The following TNS1 variants were observed in gnomAD, a reference collection of about 807,000 sequenced individuals.
TNS1 encodes the protein tensin 1, also known as tensin-1.
In TNS1, 62 loss-of-function variants were observed where a neutral mutation model predicts 168.6. That is an observed-to-expected ratio of 0.37 (90% confidence interval 0.30 to 0.45). The LOEUF (loss-of-function observed/expected upper bound fraction) is 0.45. TNS1 is among the 20% of genes least tolerant of loss of function. The probability of loss-of-function intolerance (pLI) is 1.00; values close to 1 mark genes in which losing one functional copy is unlikely to be tolerated. For missense variants in TNS1, 2,240 were observed against 2,339.4 expected (o/e 0.96, Z 0.88); for synonymous variants, 934 against 933.2 (o/e 1.00, Z -0.02).
intron 3 of TNS1, among the ~76,000 whole-genome samples, chr2:217,975,946 G>A (rs528481558): frequency 1.3e-5 from 2 of 152,122 alleles, no homozygotes; most frequent in Admixed American, 1.3e-4. Context: ...AAATCCAATC[G>A]CGTCCCTCCA....
chr2:217,999,019 T>C (rs1958516123), intron 1 of TNS1, among the ~76,000 whole-genome samples: 1 of 152,090 alleles, frequency 6.6e-6, no homozygotes, highest in Non-Finnish European at 1.5e-5. Context: ...GTGGGGGGTG[T>C]GGTTAGAAAG....
At chr2:217,938,725 A>T (rs1394701709) in intron 3 of TNS1, among the ~76,000 whole-genome samples, 1 of 152,210 alleles carries the variant, frequency 6.6e-6, no homozygotes, top group African/African-American at 2.4e-5. Flanking sequence ...GGATCCCAGA[A>T]GGGGAGCTCA....
chr2:217,841,954 T>C, intron 19 of TNS1: 1 of 639,394 alleles, frequency 1.6e-6, no homozygotes, highest in East Asian at 2.8e-5. Context: ...ATCCTTTCCT[T>C]GCCCCTTGTT....
At chr2:217,937,963 G>A (rs1050730955) in intron 3 of TNS1, among the ~76,000 whole-genome samples, 1 of 152,162 alleles carries the variant, frequency 6.6e-6, no homozygotes, top group Non-Finnish European at 1.5e-5. Context: ...CCCATACAGG[G>A]TGGCTGGAGA....
At chr2:217,894,477 C>A (rs1308717157) in intron 9 of TNS1, among the ~76,000 whole-genome samples, 1 of 152,090 alleles carries the variant, frequency 6.6e-6, no homozygotes, top group Non-Finnish European at 1.5e-5. Context: ...GCCAACACGG[C>A]GAAACCCCAT....
In TNS1 at chr2:218,032,190, A is replaced by G. The variant is rs1958904403; in HGVS notation, c.156+1630T>C. 6.6e-6 allele frequency among the ~76,000 whole-genome samples: 1 copy of G among 152,158 alleles called. No individual in the cohort carries two copies. The highest frequency in any genetic ancestry group is 1.5e-5 in the Non-Finnish European group (1 of 68,030). On this transcript the variant is annotated intron_variant, in intron 1 of 1. Transcript: ENST00000649572. The surrounding 1 kb of genome is among the most constrained non-coding windows in gnomAD (Gnocchi z 4.0). ...GGGCCCACAGCTGCAGGCACTGACA[A>G]CCCAGAGCTGGACTTGGAGGCTTAA...
chr2:217,847,030 C>T (rs1262934969), intron 19 of TNS1, among the ~76,000 whole-genome samples: 1 of 152,206 alleles, frequency 6.6e-6, no homozygotes, highest in Non-Finnish European at 1.5e-5. Context: ...GCCTTCTCCA[C>T]GTCTCCCCCA....
chr2:217,864,025 C>T (rs997600890), intron 18 of TNS1, among the ~76,000 whole-genome samples: 1 of 152,222 alleles, frequency 6.6e-6, no homozygotes, highest in Admixed American at 6.5e-5. Context: ...GGTCTTCACA[C>T]TTCCCATCCC....
intron 19 of TNS1, among the ~76,000 whole-genome samples, chr2:217,845,967 T>C (rs939632847): frequency 1.3e-5 from 2 of 152,114 alleles, no homozygotes; most frequent in Non-Finnish European, 2.9e-5. Flanking sequence ...AGGAATTAAA[T>C]TCCCAGGGAA....
intron 3 of TNS1, among the ~76,000 whole-genome samples, chr2:217,956,366 C>G (rs1323927826): frequency 2.6e-5 from 4 of 151,884 alleles, no homozygotes; most frequent in Non-Finnish European, 4.4e-5. Context: ...AAGGGAGGCT[C>G]CTGGAGGGAA....
intron 18 of TNS1, among the ~76,000 whole-genome samples, chr2:217,867,644 T>C (rs545394098): frequency 1.4e-4 from 21 of 152,240 alleles, no homozygotes; most frequent in Non-Finnish European, 3.1e-4. Context: ...TACTCCCTGT[T>C]ACCTTATCTC....
intron 12 of TNS1, among the ~76,000 whole-genome samples, chr2:217,887,906 A>C (rs1951364916): frequency 6.6e-6 from 1 of 152,242 alleles, no homozygotes. Flanking sequence ...AAGCTGAGTC[A>C]GCTAGACCAA....
intron 7 of TNS1, 133 bp from the exon 8 acceptor site, chr2:217,898,102 C>G (rs1181963206): frequency 1.9e-6 from 2 of 1,052,694 alleles, no homozygotes; most frequent in Non-Finnish European, 2.6e-6. Context: ...CTCTTCAACC[C>G]AAGGCCAAGG....
intron 2 of TNS1, among the ~76,000 whole-genome samples, chr2:217,985,234 TA>T (rs1463842996): frequency 1.3e-5 from 2 of 151,862 alleles, no homozygotes; most frequent in Non-Finnish European, 2.9e-5. Context: ...TTTTTACAGC[TA>T]AATTCCTCAA....
chr2:217,957,840 C>CAAAA (rs35149245), intron 3 of TNS1, among the ~76,000 whole-genome samples: 1 of 74,204 alleles, frequency 1.3e-5, no homozygotes, highest in Non-Finnish European at 3.2e-5. Context: ...AGTACTCCCG[C>CAAAA]AAAAAAAAAA....
intron 3 of TNS1, among the ~76,000 whole-genome samples, chr2:217,927,985 A>G (rs1363393535): frequency 6.6e-6 from 1 of 152,240 alleles, no homozygotes; most frequent in East Asian, 1.9e-4. Flanking sequence ...TGGACAGTCC[A>G]GCACTTCAGG....
chr2:217,820,971 C>T (rs1942760759), intron 23 of TNS1, among the ~76,000 whole-genome samples: 1 of 152,216 alleles, frequency 6.6e-6, no homozygotes, highest in Admixed American at 6.5e-5. Context: ...AGTCCTCTGT[C>T]CCTGCTGGGC....
intron 4 of TNS1, among the ~76,000 whole-genome samples, chr2:217,917,828 T>TAAAAAAAAAA (rs1955212737): frequency 1.6e-5 from 1 of 62,894 alleles, no homozygotes; most frequent in Admixed American, 1.9e-4. Context: ...GAGACTGTTC[T>TAAAAAAAAAA]CAAAAAAAAA....
intron 4 of TNS1, among the ~76,000 whole-genome samples, 155 bp downstream of exon 4, chr2:217,920,040 A>G (rs145144855): frequency 0.014 from 2,168 of 152,352 alleles, 58 homozygotes; most frequent in African/African-American, 0.049. Flanking sequence ...ATTTCCTCCC[A>G]GGCCCGCTTC....
Sources: gnomAD v4.1 joint callset for allele counts (sites outside exome capture counted in the v4.1 genomes callset) on GRCh38, gnomAD v4.1.1 for gene constraint, Gnocchi (gnomAD v3.1) non-coding constraint, MANE v1.5 for transcripts, NCBI Gene and HGNC (gene_info 2026-07-23, HGNC 2026-07-21) for gene names.